Variants in FAF1 observed in about 807,000 individuals in gnomAD.
The protein encoded by FAF1 is Fas associated factor 1, also known as FAS-associated factor 1.
Under a neutral mutation model 92.5 loss-of-function variants are expected in FAF1, and 25 were observed. That is an observed-to-expected ratio of 0.27 (90% confidence interval 0.20 to 0.38). The LOEUF is 0.38. Among genes scored for constraint, FAF1 ranks in the 10% least tolerant of loss-of-function variants. The pLI, the probability that FAF1 is intolerant of heterozygous loss-of-function variation, is 1.00. For synonymous variants in FAF1, 234 were observed against 273.2 expected, an observed-to-expected ratio of 0.86 and a Z score of 1.42; for missense variants, 636 against 793.3, an observed-to-expected ratio of 0.80 and a Z score of 2.38.
At chr1:50,684,012 G>A (rs1319502768) in intron 7 of FAF1, among the ~76,000 whole-genome samples, 3 of 152,080 alleles carry the variant, frequency 2.0e-5, no homozygotes, top group East Asian at 3.9e-4. Flanking sequence ...CTATGACTAG[G>A]AAAAATTAAT....
At chr1:50,714,720 T>G (rs951955310) in intron 6 of FAF1, among the ~76,000 whole-genome samples, 2 of 152,234 alleles carry the variant, frequency 1.3e-5, no homozygotes, top group African/African-American at 4.8e-5. Flanking sequence ...TTAACAGCTA[T>G]GGACCCTTGG....
intron 18 of FAF1, among the ~76,000 whole-genome samples, chr1:50,454,140 C>G (rs901118939): frequency 2.0e-5 from 3 of 152,200 alleles, no homozygotes; most frequent in African/African-American, 7.2e-5. Context: ...TAAGTGAAAT[C>G]TGGGTCTAAA....
chr1:50,475,223 G>A (rs143411199), intron 18 of FAF1, among the ~76,000 whole-genome samples: 70 of 152,314 alleles, frequency 4.6e-4, no homozygotes, highest in African/African-American at 1.6e-3. Flanking sequence ...AGGGAAAACA[G>A]CTAGGAAGGA....
rs143953344 is a variant in FAF1, at chr1:50,638,617, T to C, written c.744+16825A>G. On this transcript the variant is annotated intron_variant, in intron 8 of 18. Coordinates refer to ENST00000396153, the MANE Select transcript of FAF1 (RefSeq NM_007051.3). ...CACCACCATGCCCAGCTAATTTTTT[T>C]GTATTTTTAGTAGAGACAGGGTTTC... Among the ~76,000 whole-genome samples the C allele has an allele frequency of 3.3e-3, 503 of 152,128 alleles. 6 individuals are homozygous for C. The highest frequency in any genetic ancestry group is 0.011 in the African/African-American group (464 of 41,500).
At chr1:50,823,089 A>T (rs1319083549) in intron 2 of FAF1, among the ~76,000 whole-genome samples, 1 of 152,032 alleles carries the variant, frequency 6.6e-6, no homozygotes, top group Non-Finnish European at 1.5e-5. Context: ...TAGCAGTTTT[A>T]AGGGTTTATG....
intron 6 of FAF1, among the ~76,000 whole-genome samples, chr1:50,720,250 T>C (rs1267187377): frequency 6.6e-6 from 1 of 152,112 alleles, no homozygotes; most frequent in Non-Finnish European, 1.5e-5. Flanking sequence ...CCGCGTGCCT[T>C]GGCCTCCCAA....
intron 1 of FAF1, among the ~76,000 whole-genome samples, chr1:50,900,213 C>T (rs1011444372): frequency 2.0e-5 from 3 of 152,184 alleles, no homozygotes; most frequent in Admixed American, 6.5e-5. Flanking sequence ...CTAAACACTT[C>T]ATAAAAGAAA....
chr1:50,482,029 C>G (rs1463588619), intron 17 of FAF1, among the ~76,000 whole-genome samples: 1 of 152,112 alleles, frequency 6.6e-6, no homozygotes, highest in African/African-American at 2.4e-5. Flanking sequence ...TTATATACAG[C>G]AAACTCTATC....
chr1:50,612,290 T>G, intron 8 of FAF1: 2 of 1,041,034 alleles, frequency 1.9e-6, no homozygotes, highest in African/African-American at 1.7e-5. Flanking sequence ...ATTCAGAGAA[T>G]CAAGACGAAA....
chr1:50,644,092 T>G (rs909217761), intron 8 of FAF1, among the ~76,000 whole-genome samples: 2 of 152,246 alleles, frequency 1.3e-5, no homozygotes, highest in Non-Finnish European at 2.9e-5. Context: ...CAGATTTTCC[T>G]GCTTGTTCGT....
At chr1:50,761,977 C>G (rs1258408412) in intron 4 of FAF1, among the ~76,000 whole-genome samples, 1 of 152,034 alleles carries the variant, frequency 6.6e-6, no homozygotes, top group Non-Finnish European at 1.5e-5. Flanking sequence ...AGCTGATAAG[C>G]AACTTCAGCA....
At chr1:50,958,182 A>G (rs1040432670) in intron 1 of FAF1, among the ~76,000 whole-genome samples, 1 of 152,194 alleles carries the variant, frequency 6.6e-6, no homozygotes, top group African/African-American at 2.4e-5. Flanking sequence ...GTAGGCAGGC[A>G]AAAAGCCTCA....
intron 7 of FAF1, among the ~76,000 whole-genome samples, chr1:50,689,350 C>T (rs1417018044): frequency 2.6e-5 from 4 of 152,062 alleles, no homozygotes; most frequent in Non-Finnish European, 5.9e-5. Context: ...TTTCAGAGGC[C>T]GAGGCGGGTG....
chr1:50,779,593 A>G (rs1339126447), intron 4 of FAF1, among the ~76,000 whole-genome samples: 1 of 151,524 alleles, frequency 6.6e-6, no homozygotes, highest in South Asian at 2.1e-4. Flanking sequence ...TATATATAAA[A>G]TACTCTATAA....
At chr1:50,854,889 T>A (rs1288440597) in intron 2 of FAF1, among the ~76,000 whole-genome samples, 1 of 151,684 alleles carries the variant, frequency 6.6e-6, no homozygotes, top group Non-Finnish European at 1.5e-5. Context: ...AGTGCCAACA[T>A]GATGTTCAAA....
chr1:50,712,939 G>A (rs1658000142), intron 6 of FAF1, among the ~76,000 whole-genome samples: 1 of 151,742 alleles, frequency 6.6e-6, no homozygotes, highest in Admixed American at 6.6e-5. Context: ...AGGTGGGTGG[G>A]TCACTTGAAC....
intron 8 of FAF1, among the ~76,000 whole-genome samples, chr1:50,632,036 T>C (rs911211827): frequency 6.6e-6 from 1 of 152,198 alleles, no homozygotes; most frequent in Non-Finnish European, 1.5e-5. Context: ...GTTGGTATTA[T>C]CAGTAGTTTC....
At chr1:50,461,001 T>C (rs1646421637) in intron 18 of FAF1, among the ~76,000 whole-genome samples, 2 of 152,114 alleles carry the variant, frequency 1.3e-5, no homozygotes. Flanking sequence ...TATAACAAAG[T>C]TATGTACCGA....
At chr1:50,778,486 A>G (rs764195510) in intron 4 of FAF1, among the ~76,000 whole-genome samples, 3 of 152,238 alleles carry the variant, frequency 2.0e-5, no homozygotes, top group Non-Finnish European at 2.9e-5. Flanking sequence ...ACTGTTGACC[A>G]GAAACCTTAC....
Sources: gnomAD v4.1 joint callset for allele counts (sites outside exome capture counted in the v4.1 genomes callset) on GRCh38, gnomAD v4.1.1 for gene constraint, MANE v1.5 for transcripts, NCBI Gene and HGNC (gene_info 2026-07-23, HGNC 2026-07-21) for gene names.